Variants in HECW2 observed in about 807,000 individuals in gnomAD.
The protein encoded by HECW2 is HECT, C2 and WW domain containing E3 ubiquitin protein ligase 2.
A neutral mutation model predicts 175.2 loss-of-function variants in HECW2; 61 were observed. The ratio of observed to expected loss-of-function variants is 0.35; its 90% confidence interval spans 0.28 to 0.43. The LOEUF is 0.43. Ranked by LOEUF, HECW2 falls within the 20% of genes least tolerant of loss-of-function variation. The pLI is 1.00. For synonymous variants in HECW2, 671 were observed against 731.0 expected (o/e 0.92, Z 1.32); for missense variants, 1,524 against 2,000.5 (o/e 0.76, Z 4.54).
chr2:196,321,269 A>C (rs929852178), intron 7 of HECW2, among the ~76,000 whole-genome samples: 1 of 152,178 alleles, frequency 6.6e-6, no homozygotes, highest in African/African-American at 2.4e-5. Context: ...CTGCCTCCTG[A>C]AGGATGGAGT....
In HECW2 at chr2:196,551,018, T is replaced by G. The variant is rs1370862783; in HGVS notation, c.-36+42490A>C. On this transcript the variant is annotated intron_variant, in intron 1 of 28. Transcript: ENST00000644978. ...TATTGCTAGCATGTACACAAGACAG[T>G]GCCAAACATTCAAACTTCCAATTAG... Among the ~76,000 whole-genome samples the G allele has an allele frequency of 2.0e-5, 3 of 152,362 alleles. No individual in the cohort carries two copies. In the East Asian group the frequency reaches 5.8e-4, roughly 29 times the overall value.
chr2:196,476,677 T>C (rs760410292), intron 1 of HECW2, among the ~76,000 whole-genome samples: 1 of 152,092 alleles, frequency 6.6e-6, no homozygotes, highest in African/African-American at 2.4e-5. Flanking sequence ...AAAAAGATTA[T>C]AGTTAATTTA....
At chr2:196,416,197 T>C (rs765954684) in intron 2 of HECW2, among the ~76,000 whole-genome samples, 6 of 152,190 alleles carry the variant, frequency 3.9e-5, no homozygotes, top group African/African-American at 7.2e-5. Context: ...GTTTTAAATT[T>C]TGTGGCAAAG....
chr2:196,494,121 G>A (rs1196227159), intron 1 of HECW2, among the ~76,000 whole-genome samples: 1 of 152,190 alleles, frequency 6.6e-6, no homozygotes, highest in Non-Finnish European at 1.5e-5. Context: ...AAGGAATCCC[G>A]AGCATAGGGG....
chr2:196,531,424 G>T (rs758387857), intron 1 of HECW2, among the ~76,000 whole-genome samples: 11 of 152,170 alleles, frequency 7.2e-5, no homozygotes, highest in Non-Finnish European at 1.3e-4. Context: ...TTGGGAGGCT[G>T]AAGTGGATGG....
intron 19 of HECW2, among the ~76,000 whole-genome samples, chr2:196,253,612 G>C (rs1042703239): frequency 2.0e-5 from 3 of 152,158 alleles, no homozygotes; most frequent in Non-Finnish European, 4.4e-5. Flanking sequence ...CTCTTCACTA[G>C]AACTTTCTAA....
Position 196,433,390 on chromosome 2 carries a change from C to T in HECW2, c.34G>A (p.Val12Met), listed in dbSNP as rs1212924399. 1 of 1,613,896 alleles carries T rather than the reference C, an allele frequency of 6.2e-7. No homozygotes were observed. The highest frequency in any genetic ancestry group is 1.7e-5 in the Admixed American group (1 of 59,984). ...ASSAREHLLFVRRRNPQMRYT... is the reference protein window; with the variant it reads ...ASSAREHLLFMRRRNPQMRYT... ...CGCATCTGGGGATTTCGACGCCTCA[C>T]AAAAAGCAGGTGCTCCCGGGCTGAA... The change falls in exon 2 of 29, where the codon GTG becomes ATG. Residue 12 changes from valine to methionine, a missense_variant. By Grantham distance (21) the Val-to-Met change is conservative. Around this residue, in one of 11 missense-constraint regions of HECW2, gnomAD observed 135 missense variants for 214.6 expected, o/e 0.63. Coordinates refer to ENST00000644978, the MANE Select transcript of HECW2 (RefSeq NM_001348768.2).
At chr2:196,317,622 G>A (rs1057307635) in intron 9 of HECW2, among the ~76,000 whole-genome samples, 2 of 151,848 alleles carry the variant, frequency 1.3e-5, no homozygotes, top group African/African-American at 2.4e-5. Flanking sequence ...CACCCATAAC[G>A]GCCTCTGTCC....
chr2:196,313,787 C>T (rs1691588394), intron 10 of HECW2, among the ~76,000 whole-genome samples: 2 of 152,180 alleles, frequency 1.3e-5, no homozygotes, highest in Non-Finnish European at 2.9e-5. Flanking sequence ...CACAGTGGCT[C>T]GCACCTATAA....
chr2:196,279,537 A>C (rs1030292177), intron 14 of HECW2, among the ~76,000 whole-genome samples: 1 of 152,028 alleles, frequency 6.6e-6, no homozygotes, highest in Non-Finnish European at 1.5e-5. Flanking sequence ...CCACATCTCT[A>C]TCACCATAGT....
At position 196,529,399 on chromosome 2, in the gene HECW2, G is replaced by A. The variant is rs986980670; in HGVS notation, c.-36+64109C>T. On this transcript the variant is annotated intron_variant, in intron 1 of 28. Coordinates refer to ENST00000644978, the MANE Select transcript of HECW2 (RefSeq NM_001348768.2). ...ATTTTATTATTACTAAAAAAGAGTTGAGGTGGATTCTGGTCTTCCACCACT... is the reference window on the plus strand; with the variant it reads ...ATTTTATTATTACTAAAAAAGAGTTAAGGTGGATTCTGGTCTTCCACCACT... 2.3e-5 allele frequency among the ~76,000 whole-genome samples: 3 copies of A among 132,214 alleles called. No individual in the cohort carries two copies. In the East Asian group the frequency reaches 5.8e-4, roughly 26 times the overall value. 86.7% of individuals were successfully genotyped at this position (132,214 alleles called of 152,430 possible). A position where few individuals can be genotyped will look rare whatever the true frequency, so the allele number is the denominator to read the frequency against.
Position 196,390,862 on chromosome 2 carries a change from T to C in HECW2, c.292+42270A>G, listed in dbSNP as rs562465565. Among the ~76,000 whole-genome samples the C allele has an allele frequency of 1.2e-4, 18 of 152,286 alleles. No homozygotes were observed. In the East Asian group the frequency reaches 3.3e-3, roughly 28 times the overall value. On this transcript the variant is annotated intron_variant, in intron 2 of 28. Transcript: ENST00000644978. ...GCTACGTACTTAGACACAAGAGGAC[T>C]TTCTGTTTTGAGCTTTGCATATTGT...
intron 1 of HECW2, among the ~76,000 whole-genome samples, chr2:196,463,892 A>G (rs1159534027): frequency 1.3e-5 from 2 of 152,204 alleles, no homozygotes; most frequent in African/African-American, 4.8e-5. Flanking sequence ...ATGCAAATCA[A>G]ACTATGCTGA....
chr2:196,258,048 C>T, intron 17 of HECW2, 142 bp from the exon 18 acceptor site: 3 of 610,140 alleles, frequency 4.9e-6, no homozygotes, highest in South Asian at 2.0e-5. Flanking sequence ...CCTAGGAATA[C>T]ACATCCAAGA....
chr2:196,504,329 T>C (rs6755205), intron 1 of HECW2, among the ~76,000 whole-genome samples: 8,033 of 145,590 alleles, frequency 0.055, 751 homozygotes, highest in African/African-American at 0.19. Flanking sequence ...GTGGAGGCCA[T>C]GCAATGACTG....
intron 6 of HECW2, 51 bp downstream of exon 6, chr2:196,324,929 C>T: frequency 6.9e-7 from 1 of 1,440,448 alleles, no homozygotes; most frequent in Non-Finnish European, 9.4e-7. Context: ...AAGAGAGAGA[C>T]TGGGCTGACT....
At chr2:196,587,531 T>C (rs1014372883) in intron 1 of HECW2, among the ~76,000 whole-genome samples, 3 of 152,234 alleles carry the variant, frequency 2.0e-5, no homozygotes, top group African/African-American at 7.2e-5. Flanking sequence ...GCATTTACAG[T>C]ACTATTTTCA....
At chr2:196,365,597 G>A (rs950453320) in intron 2 of HECW2, among the ~76,000 whole-genome samples, 2 of 152,176 alleles carry the variant, frequency 1.3e-5, no homozygotes, top group African/African-American at 2.4e-5. Context: ...ACATCAGTCT[G>A]TGTATAAATC....
intron 1 of HECW2, among the ~76,000 whole-genome samples, chr2:196,579,330 T>C (rs1690680979): frequency 6.6e-6 from 1 of 151,884 alleles, no homozygotes; most frequent in Non-Finnish European, 1.5e-5. Flanking sequence ...AAGACAGTAA[T>C]GGAACTCAGG....
Sources: allele counts gnomAD v4.1 joint callset (sites outside exome capture counted in the v4.1 genomes callset), GRCh38; gene constraint gnomAD v4.1.1; regional missense constraint gnomAD v4.1.1; transcripts MANE v1.5; gene names NCBI Gene and HGNC (gene_info 2026-07-23, HGNC 2026-07-21).